The following ZNF513 variants were observed in gnomAD, a reference collection of about 807,000 sequenced individuals.
The protein encoded by ZNF513 is zinc finger protein 513.
ZNF513 carries 16 observed loss-of-function variants against 39.7 expected under a neutral mutation model. That is an observed-to-expected ratio of 0.40 (90% CI 0.27 to 0.61). The LOEUF is 0.61. ZNF513 is among the 20% of genes least tolerant of loss of function. ZNF513 has a pLI of 0.39. For missense variants in ZNF513, 699 were observed against 743.6 expected (o/e 0.94, Z 0.70); for synonymous variants, 348 against 296.5 (o/e 1.17, Z -1.79).
rs1270032339 is a variant in ZNF513, at chr2:27,377,659, G to A, written c.1512C>T (p.Leu504=). ...GTGGGGCCCAGCCCTCAGAGGCAGA[G>A]AGACCAGGCCCTCCTGCCCCACCGT... The part of the protein sequence containing the change: ...HGHGGAGGPG[L]SASEGWAPPH... The change falls in exon 4 of 4, where the codon CTC becomes CTT. Residue 504 remains leucine, a synonymous_variant. Transcript: ENST00000323703. The surrounding 1 kb of genome is among the most constrained non-coding windows in gnomAD (Gnocchi z 4.4). 1 of 1,614,176 alleles carries A rather than the reference G, an allele frequency of 6.2e-7. No individual in the cohort carries two copies. The highest frequency in any genetic ancestry group is 8.5e-7 in the Non-Finnish European group (1 of 1,180,028).
chr2:27,379,708 C>T lies in ZNF513; in HGVS notation c.211+385G>A, dbSNP rs771960041. On this transcript the variant is annotated intron_variant, in intron 2 of 3. Coordinates refer to ENST00000323703, the MANE Select transcript of ZNF513 (RefSeq NM_144631.6). ...AACCTCTCAATACAAAAGGAGCTTA[C>T]GCTGCAGGTGAAAGGGAGTTAGATT... Among the ~76,000 whole-genome samples the T allele has an allele frequency of 1.4e-4, 22 of 152,280 alleles. No homozygotes were observed. The South Asian group carries it at 2.7e-3, about 19-fold the overall frequency.
chr2:27,378,339 C>G lies in ZNF513; in HGVS notation c.832G>C (p.Val278Leu). The G allele has an allele frequency of 6.2e-7, 1 of 1,601,946 alleles. No homozygotes were observed. The highest frequency in any genetic ancestry group is 8.5e-7 in the Non-Finnish European group (1 of 1,179,964). The part of the protein sequence containing the change: ...ALLLPDLSLH[V>L]PPGGASFLPD... ...AGGAAACTGGCACCACCTGGTGGCA[C>G]ATGGAGGCTCAAATCTGGAAGGAGC... is the stretch of plus-strand genomic sequence containing the variant. The change falls in exon 4 of 4, where the codon GTG (valine) becomes CTG (leucine). Residue 278 changes from valine (V) to leucine (L), a missense_variant. By Grantham distance (32) the Val-to-Leu change is conservative. Around this residue, in one of 3 missense-constraint regions of ZNF513, gnomAD observed 530 missense variants for 499.3 expected, o/e 1.06. Coordinates refer to ENST00000323703, the MANE Select transcript of ZNF513 (RefSeq NM_144631.6). This position sits in a 1 kb window ranked among gnomAD's most constrained non-coding sequence, Gnocchi z 8.0.
chr2:27,380,609 T>C lies in ZNF513; in HGVS notation c.-83A>G. On this transcript the variant is annotated 5_prime_UTR_variant, in exon 1 of 4. Coordinates refer to ENST00000323703, the MANE Select transcript of ZNF513 (RefSeq NM_144631.6). Reference sequence around the variant, plus strand: ...CTATCTCGGCCCGCCTGTCTGCCCTTCCTCTCAGGGCCCGCGGGCCGCCCC... The same window carrying C: ...CTATCTCGGCCCGCCTGTCTGCCCTCCCTCTCAGGGCCCGCGGGCCGCCCC... The C allele has an allele frequency of 3.3e-6, 5 of 1,524,934 alleles. No individual in the cohort carries two copies. The highest frequency in any genetic ancestry group is 4.4e-6 in the Non-Finnish European group (5 of 1,133,756). 94.5% of individuals were successfully genotyped at this position (1,524,934 alleles called of 1,614,324 possible).
In ZNF513 at chr2:27,377,435, G is replaced by A. The variant is rs1683367240; in HGVS notation, c.*110C>T. 3 of 1,248,308 alleles carry A rather than the reference G, an allele frequency of 2.4e-6. No individual in the cohort carries two copies. The highest frequency in any genetic ancestry group is 1.2e-5 in the South Asian group (1 of 80,454). 77.3% of individuals were successfully genotyped at this position (1,248,308 alleles called of 1,614,324 possible). On this transcript the variant is annotated 3_prime_UTR_variant, in exon 4 of 4. Transcript: ENST00000323703. This position sits in a 1 kb window ranked among gnomAD's most constrained non-coding sequence, Gnocchi z 4.4. ...ATGGGCCCCCCCGCCCATGGGGTTG[G>A]GCTGGTCCTTATAGTGCCTACGTTA...
Position 27,380,580 on chromosome 2 carries a change from C to A in ZNF513, c.-54G>T. 6.5e-7 allele frequency: 1 copy of A among 1,537,896 alleles called. No homozygotes were observed. The highest frequency in any genetic ancestry group is 8.8e-7 in the Non-Finnish European group (1 of 1,137,438). On this transcript the variant is annotated 5_prime_UTR_variant, in exon 1 of 4. Coordinates refer to ENST00000323703, the MANE Select transcript of ZNF513 (RefSeq NM_144631.6). ...CGGCCTGCGGCCGCCCGACCCCGCCCCTCCTATCTCGGCCCGCCTGTCTGC... is the reference window on the plus strand; with the variant it reads ...CGGCCTGCGGCCGCCCGACCCCGCCACTCCTATCTCGGCCCGCCTGTCTGC...
chr2:27,379,198 T>C lies in ZNF513; in HGVS notation c.212-144A>G, dbSNP rs1020451729. On this transcript the variant is annotated intron_variant, in intron 2 of 3. Coordinates refer to ENST00000323703, the MANE Select transcript of ZNF513 (RefSeq NM_144631.6). ...TTTAGTTCCCTCCTAGGAATCAAGG[T>C]CTCCCCTGCAGTAATTCCAGAAAAT... 96 of 760,016 alleles carry C rather than the reference T, an allele frequency of 1.3e-4. 1 individual carries two copies. The South Asian group carries it at 1.5e-3, about 12-fold the overall frequency. The allele number at this position is 760,016 out of a possible 1,614,324, so 47.1% of individuals were successfully genotyped here. A position where few individuals can be genotyped will look rare whatever the true frequency, so the allele number is the denominator to read the frequency against.
chr2:27,377,287 T>G lies in ZNF513; in HGVS notation c.*258A>C, dbSNP rs934596594. 1 of 628,678 alleles carries G rather than the reference T, an allele frequency of 1.6e-6. No individual in the cohort carries two copies. Among genetic ancestry groups the G allele is most frequent in the Non-Finnish European group, 2.9e-6 (1 of 350,378 alleles). 38.9% of individuals were successfully genotyped at this position (628,678 alleles called of 1,614,324 possible). A position where few individuals can be genotyped will look rare whatever the true frequency, so the allele number is the denominator to read the frequency against. On this transcript the variant is annotated 3_prime_UTR_variant, in exon 4 of 4. Transcript: ENST00000323703. The surrounding 1 kb of genome is among the most constrained non-coding windows in gnomAD (Gnocchi z 4.4). ...CACTGAAATAAGTTAAATAAACAGG[T>G]GGGAGGCTGGGCAGTCCCCCAGCCG...
Position 27,379,023 on chromosome 2 carries a change from G to C in ZNF513, c.243C>G (p.Pro81=). The C allele has an allele frequency of 6.2e-7, 1 of 1,613,048 alleles. No homozygotes were observed. The highest frequency in any genetic ancestry group is 1.1e-5 in the South Asian group (1 of 91,084). ...CAGACTCATCGTCGCTCAGCCCATA[G>C]GGAAGCCCAGGCCTGGCCCCCAGAG... is the stretch of plus-strand genomic sequence containing the variant. ...GDSLGARPGL[P]YGLSDDESGG... The change falls in exon 3 of 4, where the codon CCC becomes CCG. Residue 81 remains proline, a synonymous_variant. Transcript: ENST00000323703.
Position 27,378,363 on chromosome 2 carries a change from G to A in ZNF513, c.808C>T (p.Leu270Phe), listed in dbSNP as rs1572653160. Reference protein sequence around the residue: ...AVPRRPEDALLLPDLSLHVPP... With the variant: ...AVPRRPEDALFLPDLSLHVPP... ...ACATGGAGGCTCAAATCTGGAAGGAGCAGAGCATCTGTGGGGACAAAGACC... is the reference window on the plus strand; with the variant it reads ...ACATGGAGGCTCAAATCTGGAAGGAACAGAGCATCTGTGGGGACAAAGACC... Residue 270 changes from leucine to phenylalanine, a missense_variant, in exon 4 of 4, where the codon CTC (leucine) becomes TTC (phenylalanine). Physicochemically the swap from Leu to Phe is conservative, Grantham distance 22. Around this residue, in one of 3 missense-constraint regions of ZNF513, gnomAD observed 530 missense variants for 499.3 expected, o/e 1.06. Coordinates refer to ENST00000323703, the MANE Select transcript of ZNF513 (RefSeq NM_144631.6). This position sits in a 1 kb window ranked among gnomAD's most constrained non-coding sequence, Gnocchi z 8.0. 6.2e-7 allele frequency: 1 copy of A among 1,603,776 alleles called. No individual in the cohort carries two copies. The highest frequency in any genetic ancestry group is 8.5e-7 in the Non-Finnish European group (1 of 1,179,976).
intron 2 of ZNF513, among the ~76,000 whole-genome samples, 176 bp from the exon 3 acceptor site, chr2:27,379,230 T>TG (rs753497812): frequency 1.3e-5 from 2 of 152,164 alleles, no homozygotes; most frequent in African/African-American, 2.4e-5. Context: ...AAATTCAACA[T>TG]GAATTGTCTA....
Position 27,378,127 on chromosome 2 carries a change from G to A in ZNF513, c.1044C>T (p.Ala348=), listed in dbSNP as rs767867867. The stretch of plus-strand genomic sequence containing the variant: ...CACTGGGGCCCTGGGGCCCCCCACT[G>A]GCACCCCCTCCAGCCTCTCCTCGCA... The part of the protein sequence containing the change: ...RCMRGEAGGG[A]SGGPQGPSDK... The change falls in exon 4 of 4, where the codon GCC becomes GCT. Residue 348 remains alanine (A), a synonymous_variant. Coordinates refer to ENST00000323703, the MANE Select transcript of ZNF513 (RefSeq NM_144631.6). This position sits in a 1 kb window ranked among gnomAD's most constrained non-coding sequence, Gnocchi z 8.0. 1 of 1,613,636 alleles carries A rather than the reference G, an allele frequency of 6.2e-7. No homozygotes were observed. The highest frequency in any genetic ancestry group is 8.5e-7 in the Non-Finnish European group (1 of 1,179,768).
At position 27,377,731 on chromosome 2, in the gene ZNF513, G is replaced by A; in HGVS notation, c.1440C>T (p.Thr480=). The A allele has an allele frequency of 6.2e-7, 1 of 1,614,248 alleles. No individual in the cohort carries two copies. The highest frequency in any genetic ancestry group is 8.5e-7 in the Non-Finnish European group (1 of 1,180,036). ...GCTTGTAGTTGTCCCAGTGGCCCGT[G>A]GTATAGGCGCAGGTGGCACAGCGGA... ...KPFRCATCAY[T]TGHWDNYKRH... Residue 480 remains threonine (T), a synonymous_variant, in exon 4 of 4, where the codon ACC becomes ACT. Transcript: ENST00000323703. This position sits in a 1 kb window ranked among gnomAD's most constrained non-coding sequence, Gnocchi z 4.4.
chr2:27,379,400 C>T (rs1296300859), intron 2 of ZNF513, among the ~76,000 whole-genome samples: 1 of 152,138 alleles, frequency 6.6e-6, no homozygotes, highest in Middle Eastern at 3.4e-3. Context: ...AGGGAGAGAG[C>T]CCCCAAGACC....
At position 27,379,961 on chromosome 2, in the gene ZNF513, C is replaced by T. The variant is rs142683441; in HGVS notation, c.211+132G>A. ...GATTGGACCATTAAACAAATGAAGT[C>T]ATCTAGCTCAAATGTAAACTAAACC... On this transcript the variant is annotated intron_variant, in intron 2 of 3. Coordinates refer to ENST00000323703, the MANE Select transcript of ZNF513 (RefSeq NM_144631.6). 2.3e-4 allele frequency: 283 copies of T among 1,213,180 alleles called. 1 individual carries two copies. The African/African-American group carries it at 3.7e-3, about 16-fold the overall frequency. The allele number at this position is 1,213,180 out of a possible 1,614,324, so 75.2% of individuals were successfully genotyped here.
chr2:27,378,109 G>C lies in ZNF513; in HGVS notation c.1062C>G (p.Gly354=). ...TACAGGCAAAGCCTTTGTCACTGGG[G>C]CCCTGGGGCCCCCCACTGGCACCCC... ...AGGGASGGPQ[G]PSDKGFACSL... The change falls in exon 4 of 4, where the codon GGC becomes GGG. Residue 354 remains glycine (G), a synonymous_variant. Transcript: ENST00000323703. This position sits in a 1 kb window ranked among gnomAD's most constrained non-coding sequence, Gnocchi z 8.0. 1 of 1,613,730 alleles carries C rather than the reference G, an allele frequency of 6.2e-7. No individual in the cohort carries two copies.
chr2:27,379,783 CCT>C (rs1254243003), intron 2 of ZNF513, among the ~76,000 whole-genome samples: 1 of 152,128 alleles, frequency 6.6e-6, no homozygotes, highest in Non-Finnish European at 1.5e-5. Flanking sequence ...CTTCCCTGAA[CCT>C]CTCTTAAAAG....
Position 27,377,280 on chromosome 2 carries a change from A to G in ZNF513, c.*265T>C, listed in dbSNP as rs1558309595. 1 of 619,988 alleles carries G rather than the reference A, an allele frequency of 1.6e-6. No homozygotes were observed. The highest frequency in any genetic ancestry group is 2.9e-6 in the Non-Finnish European group (1 of 346,844). The allele number at this position is 619,988 out of a possible 1,614,324, so 38.4% of individuals were successfully genotyped here. A position where few individuals can be genotyped will look rare whatever the true frequency, so the allele number is the denominator to read the frequency against. ...TATAAAGCACTGAAATAAGTTAAATAAACAGGTGGGAGGCTGGGCAGTCCC... is the reference window on the plus strand; with the variant it reads ...TATAAAGCACTGAAATAAGTTAAATGAACAGGTGGGAGGCTGGGCAGTCCC... On this transcript the variant is annotated 3_prime_UTR_variant, in exon 4 of 4. Coordinates refer to ENST00000323703, the MANE Select transcript of ZNF513 (RefSeq NM_144631.6). The surrounding 1 kb of genome is among the most constrained non-coding windows in gnomAD (Gnocchi z 4.4).
chr2:27,379,956 G>C, intron 2 of ZNF513, 137 bp downstream of exon 2: 1 of 1,170,440 alleles, frequency 8.5e-7, no homozygotes, highest in East Asian at 2.3e-5. Flanking sequence ...TTAAACAAAT[G>C]AAGTCATCTA....
At position 27,378,478 on chromosome 2, in the gene ZNF513, C is replaced by A. The variant is rs368425599; in HGVS notation, c.788G>T (p.Arg263Leu). The A allele has an allele frequency of 1.4e-4, 219 of 1,613,982 alleles. No individual in the cohort carries two copies. Among genetic ancestry groups the A allele is most frequent in the Non-Finnish European group, 1.8e-4 (207 of 1,180,042 alleles). Residue 263 changes from arginine to leucine, a missense_variant, in exon 3 of 4, where the codon CGG becomes CTG. Around this residue, in one of 3 missense-constraint regions of ZNF513, gnomAD observed 530 missense variants for 499.3 expected, o/e 1.06. Transcript: ENST00000323703. This position sits in a 1 kb window ranked among gnomAD's most constrained non-coding sequence, Gnocchi z 8.0. ...CTGGTGTGTCTTACCTTCAGGTCGC[C>A]GGGGCACCGCCCCCTCCTGCTCTGT... ...SPTEQEGAVP[R>L]RPEDALLLPD...
Sources: gnomAD v4.1 joint callset for allele counts (sites outside exome capture counted in the v4.1 genomes callset) on GRCh38, gnomAD v4.1.1 for gene constraint, gnomAD v4.1.1 regional missense constraint, Gnocchi (gnomAD v3.1) non-coding constraint, MANE v1.5 for transcripts, NCBI Gene and HGNC (gene_info 2026-07-23, HGNC 2026-07-21) for gene names.